The following TRPM3 variants were observed in gnomAD, a reference collection of about 807,000 sequenced individuals.
TRPM3 encodes long transient receptor potential channel 3.
A neutral mutation model predicts 181.2 loss-of-function variants in TRPM3; 77 were observed. That is an observed-to-expected ratio of 0.42 (90% CI 0.35 to 0.51). The LOEUF (loss-of-function observed/expected upper bound fraction) is 0.51, where lower values mean the gene tolerates loss of function less well. Among genes scored for constraint, TRPM3 ranks in the 20% least tolerant of loss-of-function variants. The probability of loss-of-function intolerance (pLI) is 0.01; values close to 1 mark genes in which losing one functional copy is unlikely to be tolerated. For synonymous variants in TRPM3, 745 were observed against 796.4 expected (o/e 0.94, Z 1.09); for missense variants, 1,759 against 2,196.7 (o/e 0.80, Z 3.98).
intron 1 of TRPM3, among the ~76,000 whole-genome samples, chr9:71,199,967 G>A (rs181569828): frequency 6.6e-6 from 1 of 152,036 alleles, no homozygotes; most frequent in Non-Finnish European, 1.5e-5. Flanking sequence ...GTGATGCTAG[G>A]GTGTCAATTT....
chr9:71,238,366 A>T (rs967570759), intron 1 of TRPM3, among the ~76,000 whole-genome samples: 1 of 152,132 alleles, frequency 6.6e-6, no homozygotes. Context: ...CACTGATGTC[A>T]GATAAGTTAT....
At chr9:71,086,903 C>G (rs35826449) in intron 1 of TRPM3, among the ~76,000 whole-genome samples, 887 of 152,110 alleles carry the variant, frequency 5.8e-3, no homozygotes, top group South Asian at 0.015. Context: ...TTTACACTCT[C>G]GGCACTTCAC....
intron 1 of TRPM3, among the ~76,000 whole-genome samples, chr9:71,167,385 C>T (rs770002788): frequency 3.9e-5 from 6 of 152,080 alleles, no homozygotes; most frequent in Non-Finnish European, 8.8e-5. Flanking sequence ...CAAAATTGTA[C>T]ACTAGAAGAC....
At chr9:70,916,156 T>C (rs1459267374) in intron 1 of TRPM3, among the ~76,000 whole-genome samples, 3 of 152,134 alleles carry the variant, frequency 2.0e-5, no homozygotes. Context: ...AAAATATCCT[T>C]CAAACATGAA....
chr9:70,658,041 A>G (rs11521728), intron 9 of TRPM3, among the ~76,000 whole-genome samples: 74,802 of 151,898 alleles, frequency 0.49, 19,382 homozygotes, highest in Non-Finnish European at 0.57. Context: ...GCATTAACTG[A>G]CTCCCTAATA....
In TRPM3 at chr9:70,878,959, G is replaced by A. The variant is rs950990210; in HGVS notation, c.178-14448C>T. 2.6e-5 allele frequency among the ~76,000 whole-genome samples: 4 copies of A among 152,144 alleles called. 1 individual carries two copies. In the East Asian group the frequency reaches 7.8e-4, roughly 29 times the overall value. On this transcript the variant is annotated intron_variant, in intron 1 of 25. Transcript: ENST00000677713. The stretch of plus-strand genomic sequence containing the variant: ...CAGAGGGAGTAAAGATTACAATAAC[G>A]TTTCATAATAGCAGCAATAACAGTT...
intron 8 of TRPM3, among the ~76,000 whole-genome samples, chr9:70,685,529 C>T (rs1236677331): frequency 6.6e-6 from 1 of 152,152 alleles, no homozygotes. Flanking sequence ...CCTCAGCCTC[C>T]TGAGTACCTG....
At chr9:70,692,709 G>C (rs1302451704) in intron 8 of TRPM3, among the ~76,000 whole-genome samples, 1 of 152,122 alleles carries the variant, frequency 6.6e-6, no homozygotes, top group Non-Finnish European at 1.5e-5. Context: ...TCTTGGAAAA[G>C]GGGTCCTGAA....
At chr9:71,380,010 G>T (rs1222755475) in intron 1 of TRPM3, among the ~76,000 whole-genome samples, 1 of 152,082 alleles carries the variant, frequency 6.6e-6, no homozygotes, top group Non-Finnish European at 1.5e-5. Flanking sequence ...CTAATTTTAA[G>T]ATGGAGCAGG....
intron 1 of TRPM3, among the ~76,000 whole-genome samples, chr9:71,325,745 C>T (rs1366373818): frequency 6.6e-6 from 1 of 151,896 alleles, no homozygotes; most frequent in African/African-American, 2.4e-5. Flanking sequence ...CTCTCATTCA[C>T]ACCCACCCAC....
At chr9:70,937,449 AG>A (rs1293952322) in intron 1 of TRPM3, among the ~76,000 whole-genome samples, 1 of 152,240 alleles carries the variant, frequency 6.6e-6, no homozygotes, top group African/African-American at 2.4e-5. Flanking sequence ...ATAATGTTTT[AG>A]AATATTTTAT....
At chr9:71,379,955 T>C (rs1176723347) in intron 1 of TRPM3, among the ~76,000 whole-genome samples, 2 of 152,070 alleles carry the variant, frequency 1.3e-5, no homozygotes, top group African/African-American at 4.8e-5. Context: ...TTAACCACTA[T>C]GCATTGCCAT....
At chr9:71,273,408 C>A (rs1240578858) in intron 1 of TRPM3, among the ~76,000 whole-genome samples, 1 of 152,176 alleles carries the variant, frequency 6.6e-6, no homozygotes, top group African/African-American at 2.4e-5. Context: ...GACCTCTCAG[C>A]AGAAATTCTG....
chr9:70,682,106 C>G (rs111681807), intron 8 of TRPM3, among the ~76,000 whole-genome samples: 2 of 152,126 alleles, frequency 1.3e-5, no homozygotes, highest in African/African-American at 4.8e-5. Flanking sequence ...TGTAAGCTAC[C>G]CATTTTATAG....
chr9:70,560,811 G>A (rs750039021), intron 22 of TRPM3, among the ~76,000 whole-genome samples: 25 of 152,168 alleles, frequency 1.6e-4, no homozygotes, highest in Admixed American at 1.0e-3. Flanking sequence ...AAGTTCAGAG[G>A]GTGGAGAGAG....
chr9:70,935,294 A>C (rs769096390), intron 1 of TRPM3, among the ~76,000 whole-genome samples: 4 of 152,018 alleles, frequency 2.6e-5, no homozygotes, highest in Non-Finnish European at 4.4e-5. Context: ...TGTCTCCCCT[A>C]CCAGGCTTTA....
At chr9:70,619,391 T>C (rs1411575795) in intron 16 of TRPM3, among the ~76,000 whole-genome samples, 2 of 147,578 alleles carry the variant, frequency 1.4e-5, no homozygotes, top group African/African-American at 2.5e-5. Flanking sequence ...GAGTACAGTA[T>C]GTCATCGTCG....
intron 8 of TRPM3, among the ~76,000 whole-genome samples, chr9:70,701,461 A>G (rs1378559714): frequency 6.6e-6 from 1 of 152,220 alleles, no homozygotes; most frequent in African/African-American, 2.4e-5. Flanking sequence ...CAAGCACAGA[A>G]GCGGTGGTTT....
At chr9:71,365,004 A>G (rs2092289035) in intron 1 of TRPM3, among the ~76,000 whole-genome samples, 1 of 152,242 alleles carries the variant, frequency 6.6e-6, no homozygotes, top group Non-Finnish European at 1.5e-5. Flanking sequence ...ACCTGCAGAC[A>G]TAAAGAAAGA....
Sources: allele counts gnomAD v4.1 joint callset (sites outside exome capture counted in the v4.1 genomes callset), GRCh38; gene constraint gnomAD v4.1.1; transcripts MANE v1.5; gene names NCBI Gene and HGNC (gene_info 2026-07-23, HGNC 2026-07-21).